The following DMRT1 variants were observed in gnomAD, a reference collection of about 807,000 sequenced individuals.
DMRT1 encodes the protein doublesex and mab-3 related transcription factor 1, also known as doublesex- and mab-3-related transcription factor 1.
DMRT1 carries 7 observed loss-of-function variants against 32.3 expected under a neutral mutation model. The observed-to-expected ratio is 0.22, with a 90% CI of 0.12 to 0.41. The LOEUF (loss-of-function observed/expected upper bound fraction) is 0.41. Ranked by LOEUF, DMRT1 falls within the 10% of genes least tolerant of loss-of-function variation. DMRT1 has a pLI of 1.00. For missense variants in DMRT1, 625 were observed against 500.5 expected (o/e 1.25, Z -2.37); for synonymous variants, 278 against 206.1 (o/e 1.35, Z -2.99).
At chr9:890,363 C>A (rs923919158) in intron 2 of DMRT1, among the ~76,000 whole-genome samples, 2 of 152,126 alleles carry the variant, frequency 1.3e-5, no homozygotes, top group Non-Finnish European at 2.9e-5. Flanking sequence ...TGTCTCATCT[C>A]ATTAGCTGGG....
At chr9:881,514 C>G (rs2132630457) in intron 2 of DMRT1, among the ~76,000 whole-genome samples, 1 of 152,288 alleles carries the variant, frequency 6.6e-6, no homozygotes, top group Middle Eastern at 3.4e-3. Flanking sequence ...TGACCATGAG[C>G]AAACTTAAAC....
intron 2 of DMRT1, among the ~76,000 whole-genome samples, chr9:881,113 C>CT (rs1467953392): frequency 1.3e-5 from 2 of 152,052 alleles, no homozygotes; most frequent in South Asian, 2.1e-4. Flanking sequence ...CTATAGACCC[C>CT]CCCCACCTCC....
chr9:910,759 C>G lies in DMRT1; in HGVS notation c.823-6004C>G, dbSNP rs549225213. Reference sequence around the variant, plus strand: ...CCAGCTCTTATCCATGGGTCGTACTCTGGTTCAGAGACTTTGGATGGGTAA... The same window carrying G: ...CCAGCTCTTATCCATGGGTCGTACTGTGGTTCAGAGACTTTGGATGGGTAA... On this transcript the variant is annotated intron_variant, in intron 3 of 4. Transcript: ENST00000382276. Among the ~76,000 whole-genome samples the G allele has an allele frequency of 2.0e-5, 3 of 152,228 alleles. No homozygotes were observed. In the South Asian group the frequency reaches 6.2e-4, roughly 32 times the overall value.
intron 4 of DMRT1, among the ~76,000 whole-genome samples, chr9:953,506 C>T (rs1031644406): frequency 1.1e-4 from 16 of 152,334 alleles, no homozygotes; most frequent in African/African-American, 2.4e-4. Flanking sequence ...TCTGCCCCCC[C>T]GACCTTTGAT....
intron 3 of DMRT1, among the ~76,000 whole-genome samples, chr9:897,220 C>T (rs956949006): frequency 1.3e-5 from 2 of 151,864 alleles, no homozygotes; most frequent in African/African-American, 4.8e-5. Flanking sequence ...TCAAGTGATT[C>T]TCCTGCCTCA....
intron 4 of DMRT1, among the ~76,000 whole-genome samples, chr9:933,769 C>T (rs1402894392): frequency 6.6e-6 from 1 of 152,164 alleles, no homozygotes; most frequent in Non-Finnish European, 1.5e-5. Flanking sequence ...AACAATATTT[C>T]CATCATCATA....
intron 2 of DMRT1, among the ~76,000 whole-genome samples, chr9:892,786 T>C (rs1817203581): frequency 1.3e-5 from 2 of 152,156 alleles, no homozygotes; most frequent in South Asian, 2.1e-4. Flanking sequence ...CACCTTACCC[T>C]AGCCCATCTT....
chr9:872,189 G>A (rs1199522232), intron 2 of DMRT1, among the ~76,000 whole-genome samples: 1 of 150,926 alleles, frequency 6.6e-6, no homozygotes, highest in Non-Finnish European at 1.5e-5. Flanking sequence ...AGCCTCCCGA[G>A]TAGCTGGGAT....
chr9:844,718 T>C (rs895356802), intron 1 of DMRT1, among the ~76,000 whole-genome samples: 6 of 137,390 alleles, frequency 4.4e-5, no homozygotes, highest in Admixed American at 2.9e-4. Context: ...TTTCTTTCTT[T>C]CTTTTTTTTT....
chr9:954,536 C>T (rs556201033), intron 4 of DMRT1, among the ~76,000 whole-genome samples: 2 of 152,028 alleles, frequency 1.3e-5, no homozygotes, highest in Admixed American at 1.3e-4. Context: ...AGGGTGTGAG[C>T]CCAAGATCCA....
chr9:916,439 C>T (rs1002415719), intron 3 of DMRT1, among the ~76,000 whole-genome samples: 6 of 152,196 alleles, frequency 3.9e-5, no homozygotes, highest in East Asian at 3.9e-4. Context: ...CAAGCAGCCA[C>T]GGCTCACTAC....
intron 4 of DMRT1, among the ~76,000 whole-genome samples, chr9:929,530 A>G (rs1423401166): frequency 6.6e-6 from 1 of 152,082 alleles, no homozygotes; most frequent in African/African-American, 2.4e-5. Context: ...TGAACATATT[A>G]ACATATTATT....
chr9:889,115 G>A (rs753056469), intron 2 of DMRT1, among the ~76,000 whole-genome samples: 1 of 152,020 alleles, frequency 6.6e-6, no homozygotes, highest in Non-Finnish European at 1.5e-5. Context: ...ACTGATTCAG[G>A]GACCACACTG....
chr9:845,930 C>T (rs866633577), intron 1 of DMRT1, among the ~76,000 whole-genome samples: 11 of 151,986 alleles, frequency 7.2e-5, no homozygotes, highest in Admixed American at 6.6e-4. Context: ...CTCTCTCTGA[C>T]TTTCTTCTGT....
intron 4 of DMRT1, among the ~76,000 whole-genome samples, chr9:936,753 C>CAAAAA (rs552878647): frequency 9.5e-6 from 1 of 105,658 alleles, no homozygotes; most frequent in African/African-American, 3.1e-5. Context: ...AACTTCATCT[C>CAAAAA]AAAAAAAAAA....
intron 4 of DMRT1, among the ~76,000 whole-genome samples, chr9:948,369 C>T (rs1819316458): frequency 6.6e-6 from 1 of 152,156 alleles, no homozygotes; most frequent in African/African-American, 2.4e-5. Flanking sequence ...CTCCTCTCCA[C>T]AGGGACATGA....
At chr9:930,817 G>A (rs1194239402) in intron 4 of DMRT1, among the ~76,000 whole-genome samples, 1 of 152,140 alleles carries the variant, frequency 6.6e-6, no homozygotes, top group Non-Finnish European at 1.5e-5. Flanking sequence ...TTGGATTACA[G>A]ACATGAGCCA....
intron 4 of DMRT1, among the ~76,000 whole-genome samples, chr9:955,617 G>T (rs1383638489): frequency 6.6e-6 from 1 of 152,046 alleles, no homozygotes; most frequent in African/African-American, 2.4e-5. Flanking sequence ...GAGGTGGGAG[G>T]ATCACCTGAG....
At chr9:914,726 A>G (rs557198688) in intron 3 of DMRT1, among the ~76,000 whole-genome samples, 3 of 152,318 alleles carry the variant, frequency 2.0e-5, no homozygotes, top group Non-Finnish European at 4.4e-5. Context: ...TTGAGAGGAA[A>G]TAATCACCTG....
Sources: gnomAD v4.1 joint callset for allele counts (sites outside exome capture counted in the v4.1 genomes callset) on GRCh38, gnomAD v4.1.1 for gene constraint, MANE v1.5 for transcripts, NCBI Gene and HGNC (gene_info 2026-07-23, HGNC 2026-07-21) for gene names.